Variants in PVT1 observed in about 807,000 individuals in gnomAD.
PVT1 encodes Pvt1 oncogene.
intron 3 of PVT1, among the ~76,000 whole-genome samples, chr8:127,988,400 A>G (rs1816993933): frequency 6.6e-6 from 1 of 152,204 alleles, no homozygotes; most frequent in Non-Finnish European, 1.5e-5. Flanking sequence ...ACACCGGAGC[A>G]TCACAGTTCT....
chr8:128,079,900 A>G (rs192634603), intron 5 of PVT1, among the ~76,000 whole-genome samples: 189 of 151,952 alleles, frequency 1.2e-3, no homozygotes, highest in African/African-American at 4.1e-3. Context: ...AATTTTTTGT[A>G]TTTTTAGTAG....
chr8:128,057,279 A>G (rs1460398779), intron 4 of PVT1, among the ~76,000 whole-genome samples: 2 of 152,200 alleles, frequency 1.3e-5, no homozygotes, highest in Non-Finnish European at 1.5e-5. Flanking sequence ...CCATGTAGAA[A>G]AGGTATTATT....
chr8:127,874,720 TTTG>T (rs1815386436), intron 2 of PVT1, among the ~76,000 whole-genome samples: 1 of 152,116 alleles, frequency 6.6e-6, no homozygotes, highest in Non-Finnish European at 1.5e-5. Context: ...AGCAGTTCAA[TTTG>T]TTGTGTGATC....
At chr8:127,929,660 C>G (rs1297297495) in intron 3 of PVT1, among the ~76,000 whole-genome samples, 9 of 151,788 alleles carry the variant, frequency 5.9e-5, no homozygotes, top group Non-Finnish European at 1.2e-4. Flanking sequence ...CCCAGCTACT[C>G]GGGAGGCTGA....
At chr8:127,874,903 GGTGTGTGT>G (rs112419227) in intron 2 of PVT1, among the ~76,000 whole-genome samples, 5 of 145,814 alleles carry the variant, frequency 3.4e-5, no homozygotes, top group East Asian at 2.0e-4. Context: ...TTGGCCTCCA[GGTGTGTGT>G]GTGTGTGTGT....
intron 2 of PVT1, among the ~76,000 whole-genome samples, chr8:127,834,249 G>T (rs565332639): frequency 2.0e-5 from 3 of 152,164 alleles, no homozygotes; most frequent in South Asian, 4.2e-4. Context: ...CAGAATGGAG[G>T]CCTCAGAAAT....
intron 3 of PVT1, among the ~76,000 whole-genome samples, chr8:127,913,539 G>A (rs2129849874): frequency 6.6e-6 from 1 of 152,098 alleles, no homozygotes; most frequent in East Asian, 1.9e-4. Flanking sequence ...GGGCGCTGCT[G>A]CTTGGGTGGG....
chr8:127,947,723 G>A, intron 3 of PVT1: 1 of 456,526 alleles, frequency 2.2e-6, no homozygotes, highest in South Asian at 1.5e-5. Context: ...CTGGGTCTGT[G>A]AATGGAAGAC....
intron 3 of PVT1, among the ~76,000 whole-genome samples, chr8:127,959,022 C>T (rs1045620322): frequency 7.8e-6 from 1 of 128,950 alleles, no homozygotes; most frequent in African/African-American, 2.9e-5. Flanking sequence ...TGCTGCTGTT[C>T]TGTGCTGCCC....
At chr8:128,071,090 T>A (rs551706057) in intron 5 of PVT1, among the ~76,000 whole-genome samples, 6 of 152,300 alleles carry the variant, frequency 3.9e-5, no homozygotes, top group Non-Finnish European at 8.8e-5. Flanking sequence ...ATTAGATCCA[T>A]CCAGCTCATT....
At chr8:127,929,910 G>A (rs888342758) in intron 3 of PVT1, among the ~76,000 whole-genome samples, 3 of 152,220 alleles carry the variant, frequency 2.0e-5, no homozygotes, top group Admixed American at 6.5e-5. Flanking sequence ...GGCTGGGAGC[G>A]TTAGATGTTA....
intron 3 of PVT1, among the ~76,000 whole-genome samples, chr8:127,929,767 CA>C (rs773372137): frequency 1.0e-3 from 134 of 129,458 alleles, no homozygotes; most frequent in African/African-American, 2.0e-3. Context: ...GACTCCGTCT[CA>C]AAAAAAAAAA....
At chr8:127,938,717 G>A (rs1816308610) in intron 3 of PVT1, among the ~76,000 whole-genome samples, 1 of 152,290 alleles carries the variant, frequency 6.6e-6, no homozygotes, top group East Asian at 1.9e-4. Flanking sequence ...CTGAAAATGA[G>A]TGAAGATTCC....
At chr8:127,886,196 A>G (rs1044505742) in intron 2 of PVT1, among the ~76,000 whole-genome samples, 12 of 152,188 alleles carry the variant, frequency 7.9e-5, no homozygotes, top group Admixed American at 2.0e-4. Context: ...TGCTTTTTCA[A>G]TGATTTTAAG....
chr8:128,097,969 T>G (rs1045031456), intron 6 of PVT1, among the ~76,000 whole-genome samples: 1 of 152,118 alleles, frequency 6.6e-6, no homozygotes, highest in African/African-American at 2.4e-5. Flanking sequence ...CACCCTCCTT[T>G]TCTGCCCTAC....
At chr8:128,076,195 C>A (rs1432362818) in intron 5 of PVT1, among the ~76,000 whole-genome samples, 1 of 152,190 alleles carries the variant, frequency 6.6e-6, no homozygotes, top group African/African-American at 2.4e-5. Flanking sequence ...CATTTCTTCT[C>A]CCGGGACGTT....
At position 127,832,844 on chromosome 8, in the gene PVT1, T is replaced by C. The variant is rs573124736; in HGVS notation, n.372+36773T>C. 2.2e-4 allele frequency among the ~76,000 whole-genome samples: 34 copies of C among 151,356 alleles called. 1 individual carries two copies. The South Asian group carries it at 6.7e-3, about 30-fold the overall frequency. On this transcript the variant is annotated intron_variant and non_coding_transcript_variant, in intron 2 of 10. Coordinates refer to ENST00000651587, the Ensembl canonical transcript of PVT1. ...CTCCACTCCAGCCTGGGCGACAGAG[T>C]GAGACTCTGTTTCAAAAGAAAAAAA...
At chr8:127,811,852 C>T (rs1814598659) in intron 2 of PVT1, among the ~76,000 whole-genome samples, 2 of 152,174 alleles carry the variant, frequency 1.3e-5, no homozygotes, top group Non-Finnish European at 2.9e-5. Flanking sequence ...ACTTTGCCCT[C>T]TCTGCTGGTA....
At chr8:127,859,408 C>T (rs188027267) in intron 2 of PVT1, among the ~76,000 whole-genome samples, 5 of 152,238 alleles carry the variant, frequency 3.3e-5, no homozygotes, top group Admixed American at 6.5e-5. Context: ...TCTCATATTA[C>T]GCCGTGGCTG....
Sources: gnomAD v4.1 joint callset for allele counts (sites outside exome capture counted in the v4.1 genomes callset) on GRCh38, gnomAD v4.1.1 for gene constraint, MANE v1.5 for transcripts, NCBI Gene and HGNC (gene_info 2026-07-23, HGNC 2026-07-21) for gene names.